Variants in COP1 observed in about 807,000 individuals in gnomAD.
COP1 encodes COP1 E3 ubiquitin ligase.
In COP1, 24 loss-of-function variants were observed where a neutral mutation model predicts 101.3. That is an observed-to-expected ratio of 0.24 (90% CI 0.17 to 0.33). The LOEUF (loss-of-function observed/expected upper bound fraction) is 0.33, where lower values mean the gene tolerates loss of function less well. COP1 is among the 10% of genes least tolerant of loss of function. COP1 has a pLI of 1.00. For synonymous variants in COP1, 347 were observed against 341.9 expected (o/e 1.01, Z -0.17); for missense variants, 663 against 906.2 (o/e 0.73, Z 3.45).
intron 15 of COP1, chr1:176,018,281 T>C (rs966047013): frequency 3.3e-5 from 5 of 152,202 alleles, no homozygotes; most frequent in Admixed American, 1.3e-4. Context: ...TAAACCACAA[T>C]TGTCAGTAAT....
intron 18 of COP1, among the ~76,000 whole-genome samples, chr1:175,958,097 A>T (rs189585630): frequency 2.0e-5 from 3 of 152,232 alleles, no homozygotes; most frequent in Admixed American, 2.0e-4. Flanking sequence ...GAATTAAGGT[A>T]GTAGTTATAC....
At chr1:176,063,215 G>A (rs1316240088) in intron 11 of COP1, among the ~76,000 whole-genome samples, 3 of 151,478 alleles carry the variant, frequency 2.0e-5, no homozygotes, top group Non-Finnish European at 4.4e-5. Flanking sequence ...GCCCGCCACC[G>A]CGCCTGGCTA....
chr1:176,152,170 G>A (rs1219410672), intron 5 of COP1, among the ~76,000 whole-genome samples: 8 of 151,984 alleles, frequency 5.3e-5, no homozygotes, highest in East Asian at 1.9e-4. Context: ...ATGTGCCTAC[G>A]GTCCCAGCTA....
At chr1:176,195,705 T>C (rs1167924759) in intron 1 of COP1, among the ~76,000 whole-genome samples, 5 of 152,092 alleles carry the variant, frequency 3.3e-5, no homozygotes, top group Non-Finnish European at 5.9e-5. Flanking sequence ...ACTGCAGCCA[T>C]AAAAAAGAAT....
At chr1:176,106,554 C>A (rs1482415068) in intron 9 of COP1, among the ~76,000 whole-genome samples, 1 of 152,182 alleles carries the variant, frequency 6.6e-6, no homozygotes, top group African/African-American at 2.4e-5. Context: ...CTTGACAGAT[C>A]AGCTGGCAAC....
intron 6 of COP1, among the ~76,000 whole-genome samples, chr1:176,144,724 A>AC: frequency 6.6e-6 from 1 of 152,284 alleles, no homozygotes; most frequent in Non-Finnish European, 1.5e-5. Flanking sequence ...ACAGACCCAC[A>AC]CATACATGGA....
At chr1:176,114,401 A>T (rs1685832736) in intron 9 of COP1, among the ~76,000 whole-genome samples, 1 of 152,240 alleles carries the variant, frequency 6.6e-6, no homozygotes, top group African/African-American at 2.4e-5. Context: ...CAAGGTAGTC[A>T]TCCAAGTTTG....
At chr1:176,058,754 T>TAAAAA in intron 11 of COP1, among the ~76,000 whole-genome samples, 1 of 88,342 alleles carries the variant, frequency 1.1e-5, no homozygotes, top group Non-Finnish European at 2.5e-5. Flanking sequence ...GAATGATCAA[T>TAAAAA]AAAAAAAAAA....
At chr1:176,123,580 A>G (rs1215678819) in intron 8 of COP1, among the ~76,000 whole-genome samples, 1 of 152,144 alleles carries the variant, frequency 6.6e-6, no homozygotes, top group African/African-American at 2.4e-5. Flanking sequence ...GCTGGTATAT[A>G]CCAATAATTT....
chr1:176,037,601 G>C (rs183761719), intron 14 of COP1, among the ~76,000 whole-genome samples: 1 of 151,562 alleles, frequency 6.6e-6, no homozygotes, highest in Non-Finnish European at 1.5e-5. Flanking sequence ...TACAGAAAAA[G>C]AATAATACAT....
At chr1:176,157,973 T>C (rs1329609273) in intron 5 of COP1, among the ~76,000 whole-genome samples, 1 of 151,912 alleles carries the variant, frequency 6.6e-6, no homozygotes, top group Non-Finnish European at 1.5e-5. Flanking sequence ...ATTCCCAAAG[T>C]GGAAGAGGGG....
chr1:176,098,336 G>C (rs1178458153), intron 9 of COP1, among the ~76,000 whole-genome samples: 1 of 152,196 alleles, frequency 6.6e-6, no homozygotes, highest in Non-Finnish European at 1.5e-5. Context: ...TTACATGTGA[G>C]GTGTGTTATG....
chr1:176,188,834 T>TACACACACACACAC (rs10637320), intron 1 of COP1, among the ~76,000 whole-genome samples: 24 of 148,416 alleles, frequency 1.6e-4, no homozygotes, highest in African/African-American at 6.0e-4. Flanking sequence ...AACACATAGA[T>TACACACACACACAC]ACACACACAC....
rs1397972421 is a variant in COP1 at position 175,945,178 on chromosome 1, G to T, written c.2179-8C>A. 8.3e-6 allele frequency: 13 copies of T among 1,562,748 alleles called. No homozygotes were observed. Among genetic ancestry groups the T allele is most frequent in the Non-Finnish European group, 1.7e-6 (2 of 1,144,376 alleles). On this transcript the variant is annotated splice_region_variant and splice_polypyrimidine_tract_variant and intron_variant, in intron 19 of 19. Coordinates refer to ENST00000367669, the MANE Select transcript of COP1 (RefSeq NM_022457.7). The stretch of plus-strand genomic sequence containing the variant: ...TCATACCAATTCTAGCACCTAATTG[G>T]GGGGAAAAAAGGATCCATTTAATAA...
At chr1:176,167,637 C>T (rs908993837) in intron 3 of COP1, among the ~76,000 whole-genome samples, 1 of 151,862 alleles carries the variant, frequency 6.6e-6, no homozygotes, top group Non-Finnish European at 1.5e-5. Flanking sequence ...GTACTAAGAA[C>T]AAACATTTCT....
intron 18 of COP1, among the ~76,000 whole-genome samples, chr1:175,965,859 AGCG>A (rs1489839406): frequency 1.3e-5 from 2 of 151,956 alleles, no homozygotes; most frequent in African/African-American, 4.8e-5. Context: ...TGGGATTACA[AGCG>A]TGAGCCACCG....
In COP1 at chr1:176,135,023, A is replaced by G; in HGVS notation, c.955T>C (p.Ser319Pro). 6.2e-7 allele frequency: 1 copy of G among 1,609,606 alleles called. No homozygotes were observed. The highest frequency in any genetic ancestry group is 8.5e-7 in the Non-Finnish European group (1 of 1,176,380). Reference sequence around the variant, plus strand: ...TGAAGCTTGTACCTGTGTGATGGAGAAGGAGCTTCAAATTGAGGCACTGTG... The same window carrying G: ...TGAAGCTTGTACCTGTGTGATGGAGGAGGAGCTTCAAATTGAGGCACTGTG... The part of the protein sequence containing the change: ...DSTVPQFEAP[S>P]PSHSSIIDST... The change falls in exon 8 of 20, where the codon TCT becomes CCT. Residue 319 changes from serine (S) to proline (P), a missense_variant. Physicochemically the swap from Ser to Pro is moderately conservative, Grantham distance 74 (BLOSUM62 -1). Transcript: ENST00000367669.
At chr1:176,028,808 C>T (rs1668180992) in intron 14 of COP1, among the ~76,000 whole-genome samples, 1 of 149,100 alleles carries the variant, frequency 6.7e-6, no homozygotes, top group African/African-American at 2.5e-5. Flanking sequence ...GGCTGGAGTG[C>T]AGTGGCACAA....
At chr1:176,116,052 T>C (rs1686135848) in intron 9 of COP1, among the ~76,000 whole-genome samples, 1 of 152,182 alleles carries the variant, frequency 6.6e-6, no homozygotes, top group Admixed American at 6.5e-5. Context: ...CTAAAGTATT[T>C]CCTTCCTCTC....
Sources: gnomAD v4.1 joint callset for allele counts (sites outside exome capture counted in the v4.1 genomes callset) on GRCh38, gnomAD v4.1.1 for gene constraint, MANE v1.5 for transcripts, NCBI Gene and HGNC (gene_info 2026-07-23, HGNC 2026-07-21) for gene names.